Variants in ARHGAP6 observed in about 807,000 individuals in gnomAD.
ARHGAP6 encodes the protein rho GTPase-activating protein 6.
ARHGAP6 carries 16 observed loss-of-function variants against 55.7 expected under a neutral mutation model. The ratio of observed to expected loss-of-function variants is 0.29; its 90% CI spans 0.19 to 0.44. The LOEUF (loss-of-function observed/expected upper bound fraction) is 0.44. Among genes scored for constraint, ARHGAP6 ranks in the 20% least tolerant of loss-of-function variants. The pLI is 1.00. For synonymous variants in ARHGAP6, 382 were observed against 360.9 expected, an observed-to-expected ratio of 1.06 and a Z score of -0.66; for missense variants, 698 against 808.9, an observed-to-expected ratio of 0.86 and a Z score of 1.66.
chrX:11,389,057 T>G (rs1300927849), intron 1 of ARHGAP6, among the ~76,000 whole-genome samples: 2 of 111,737 alleles, frequency 1.8e-5, no homozygotes, highest in Non-Finnish European at 3.8e-5. Context: ...TTAGGGGACA[T>G]TTGGCAATAT....
intron 1 of ARHGAP6, among the ~76,000 whole-genome samples, chrX:11,331,951 C>T (rs921656685): frequency 8.9e-6 from 1 of 111,931 alleles, no homozygotes; most frequent in Non-Finnish European, 1.9e-5. Context: ...AACTGTGAAG[C>T]TCTGTATAAA....
chrX:11,206,571 C>T (rs1292317143), intron 2 of ARHGAP6, among the ~76,000 whole-genome samples: 2 of 111,605 alleles, frequency 1.8e-5, no homozygotes, highest in African/African-American at 3.3e-5. Context: ...ATTTATCTTC[C>T]GTTAGTAGTA....
intron 10 of ARHGAP6, among the ~76,000 whole-genome samples, chrX:11,144,767 A>G (rs10482314): frequency 0.21 from 23,169 of 111,806 alleles, 1,816 homozygotes; most frequent in Middle Eastern, 0.28. Flanking sequence ...CTTAGTGTAA[A>G]TAAATCCATC....
At chrX:11,367,200 A>C (rs895443664) in intron 1 of ARHGAP6, among the ~76,000 whole-genome samples, 12 of 112,315 alleles carry the variant, frequency 1.1e-4, no homozygotes, top group Admixed American at 2.8e-4. Flanking sequence ...CAGAGAGTTC[A>C]GGAGTAGATA....
chrX:11,308,998 G>A (rs1263187697), intron 1 of ARHGAP6, among the ~76,000 whole-genome samples: 2 of 111,966 alleles, frequency 1.8e-5, no homozygotes, highest in Admixed American at 1.9e-4. Flanking sequence ...CAGAGGCAGT[G>A]TGACTGTCAT....
rs143752503 is a variant in ARHGAP6 at position 11,398,527 on chromosome X, C to T, written c.589-143820G>A. ...CCTTAAATGCATGAGGTGATCAATA[C>T]GTTTTTTCCTAGATATAAGAAATTC... On this transcript the variant is annotated intron_variant, in intron 1 of 12. Coordinates refer to ENST00000337414, the MANE Select transcript of ARHGAP6 (RefSeq NM_013427.3). Among the ~76,000 whole-genome samples the T allele has an allele frequency of 3.6e-4, 40 of 111,453 alleles. No homozygotes were observed. The East Asian group carries it at 0.011, about 30-fold the overall frequency.
chrX:11,482,195 C>T (rs1320566709), intron 1 of ARHGAP6, among the ~76,000 whole-genome samples: 1 of 111,914 alleles, frequency 8.9e-6, no homozygotes, highest in Non-Finnish European at 1.9e-5. Context: ...GCAGGATAGT[C>T]CCCCACAGTG....
chrX:11,477,554 A>C lies in ARHGAP6; in HGVS notation c.588+186687T>G, dbSNP rs143093867. On this transcript the variant is annotated intron_variant, in intron 1 of 12. Coordinates refer to ENST00000337414, the MANE Select transcript of ARHGAP6 (RefSeq NM_013427.3). ...TATGTCCCCAAAAGAATTGTACACA[A>C]ATGCTTATTGCAGCTGTTTTCATAA... is the stretch of plus-strand genomic sequence containing the variant. Among the ~76,000 whole-genome samples, 721 of 112,214 alleles carry C rather than the reference A, an allele frequency of 6.4e-3. 3 individuals carry two copies. Among genetic ancestry groups the C allele is most frequent in the African/African-American group, 0.022 (674 of 30,975 alleles).
intron 5 of ARHGAP6, among the ~76,000 whole-genome samples, chrX:11,184,949 C>T (rs767614259): frequency 8.9e-6 from 1 of 112,085 alleles, no homozygotes; most frequent in African/African-American, 3.2e-5. Flanking sequence ...ATGGTAGAGC[C>T]TAGTGCTCCT....
intron 1 of ARHGAP6, among the ~76,000 whole-genome samples, chrX:11,387,383 A>G (rs2049341391): frequency 9.0e-6 from 1 of 111,574 alleles, no homozygotes; most frequent in African/African-American, 3.3e-5. Context: ...GCATGCAGAG[A>G]GAGTAAATGT....
chrX:11,526,417 A>G (rs1212079138), intron 1 of ARHGAP6, among the ~76,000 whole-genome samples: 1 of 112,147 alleles, frequency 8.9e-6, no homozygotes, highest in Non-Finnish European at 1.9e-5. Context: ...TGTTTGTAGT[A>G]TAAAGCCTTC....
intron 1 of ARHGAP6, among the ~76,000 whole-genome samples, chrX:11,491,267 G>A (rs1052505464): frequency 1.9e-4 from 21 of 111,491 alleles, no homozygotes; most frequent in Non-Finnish European, 3.6e-4. Context: ...CACACAATGT[G>A]CAGGTTACAT....
chrX:11,488,574 T>C (rs1331126669), intron 1 of ARHGAP6, among the ~76,000 whole-genome samples: 2 of 110,457 alleles, frequency 1.8e-5, no homozygotes, highest in East Asian at 5.7e-4. Context: ...CCAGTACCAG[T>C]CCATGGCCTG....
At chrX:11,178,771 A>G (rs1602791032) in intron 7 of ARHGAP6, among the ~76,000 whole-genome samples, 1 of 112,200 alleles carries the variant, frequency 8.9e-6, no homozygotes, top group East Asian at 2.8e-4. Context: ...GCATTGGAGG[A>G]AGAAATGTAT....
In ARHGAP6 at chrX:11,185,959, T is replaced by C. The variant is rs5979381; in HGVS notation, c.1273+277A>G. Among the ~76,000 whole-genome samples, 30,962 of 110,261 alleles carry C rather than the reference T, an allele frequency of 0.28. 3,709 individuals are homozygous for C. The highest frequency in any genetic ancestry group is 0.46 in the African/African-American group (13,762 of 30,171). ...CTGGTGACAAACCCAGCCCAACAGA[T>C]CTGATCATTCCCTAAACTGCTTGGC... On this transcript the variant is annotated intron_variant, in intron 5 of 12. Coordinates refer to ENST00000337414, the MANE Select transcript of ARHGAP6 (RefSeq NM_013427.3).
rs2147361907 is a variant in ARHGAP6 at position 11,196,833 on chromosome X, A to G, written c.820+92T>C. 7 of 539,983 alleles carry G rather than the reference A, an allele frequency of 1.3e-5. No homozygotes were observed. The South Asian group carries it at 1.8e-4, about 14-fold the overall frequency. 44.5% of individuals were successfully genotyped at this position (539,983 alleles called of 1,213,427 possible). On this transcript the variant is annotated intron_variant, in intron 3 of 12. Transcript: ENST00000337414. Reference sequence around the variant, plus strand: ...AATCCAGTTTTCATAACAGAGTTGAACCACGTATATCTATGCAATTCAATA... The same window carrying G: ...AATCCAGTTTTCATAACAGAGTTGAGCCACGTATATCTATGCAATTCAATA...
intron 2 of ARHGAP6, among the ~76,000 whole-genome samples, chrX:11,243,789 T>C (rs183767409): frequency 1.8e-3 from 207 of 112,284 alleles, no homozygotes; most frequent in African/African-American, 4.9e-3. Flanking sequence ...CTACTATGCC[T>C]TTTCTATGTT....
At chrX:11,514,161 CAAA>C (rs1156613318) in intron 1 of ARHGAP6, among the ~76,000 whole-genome samples, 359 of 35,779 alleles carry the variant, frequency 0.01, 8 homozygotes, top group African/African-American at 0.035. Context: ...AACCCTGTCT[CAAA>C]AAAAAAAAAA....
At chrX:11,581,132 T>C (rs1164367353) in intron 1 of ARHGAP6, among the ~76,000 whole-genome samples, 1 of 112,587 alleles carries the variant, frequency 8.9e-6, no homozygotes, top group Non-Finnish European at 1.9e-5. Context: ...TTTGAATAGA[T>C]ATTTTCCCAA....
Sources: gnomAD v4.1 joint callset for allele counts (sites outside exome capture counted in the v4.1 genomes callset) on GRCh38, gnomAD v4.1.1 for gene constraint, MANE v1.5 for transcripts, NCBI Gene and HGNC (gene_info 2026-07-23, HGNC 2026-07-21) for gene names.